Variants in UVRAG observed in about 807,000 individuals in gnomAD.
The protein encoded by UVRAG is UV radiation resistance associated.
Under a neutral mutation model 78.0 loss-of-function variants are expected in UVRAG, and 19 were observed. That is an observed-to-expected ratio of 0.24 (90% CI 0.17 to 0.36). UVRAG has a LOEUF of 0.36. Ranked by LOEUF, UVRAG falls within the 10% of genes least tolerant of loss-of-function variation. The pLI, the probability that UVRAG is intolerant of heterozygous loss-of-function variation, is 1.00. For missense variants in UVRAG, 740 were observed against 853.8 expected (o/e 0.87, Z 1.66); for synonymous variants, 323 against 324.6 (o/e 1.00, Z 0.05).
intron 8 of UVRAG, 106 bp downstream of exon 8, chr11:75,983,619 C>T (rs1949437452): frequency 7.3e-7 from 1 of 1,363,106 alleles, no homozygotes; most frequent in African/African-American, 1.5e-5. Flanking sequence ...TACAGTCACA[C>T]ATCACTTAAT....
chr11:75,884,427 C>G (rs1751696332), intron 4 of UVRAG, among the ~76,000 whole-genome samples: 1 of 151,906 alleles, frequency 6.6e-6, no homozygotes, highest in African/African-American at 2.4e-5. Context: ...TGGTGAAGTC[C>G]ACTATGTCAG....
chr11:75,862,710 G>C (rs1337984266), intron 3 of UVRAG, among the ~76,000 whole-genome samples: 2 of 152,128 alleles, frequency 1.3e-5, no homozygotes, highest in Admixed American at 1.3e-4. Flanking sequence ...TCTTTCCCCA[G>C]TCATGCTTTT....
chr11:75,844,252 G>C (rs1284980645), intron 1 of UVRAG, among the ~76,000 whole-genome samples: 1 of 151,198 alleles, frequency 6.6e-6, no homozygotes, highest in Non-Finnish European at 1.5e-5. Flanking sequence ...TTTTGAGGCA[G>C]AGTCTCACTC....
chr11:75,908,739 T>TTG (rs1947672693), intron 5 of UVRAG, among the ~76,000 whole-genome samples: 2 of 141,628 alleles, frequency 1.4e-5, no homozygotes, highest in African/African-American at 2.7e-5. Context: ...TTTTTTTTTT[T>TTG]GTGGGAGTTT....
chr11:75,884,099 T>C (rs1947017819), intron 4 of UVRAG, among the ~76,000 whole-genome samples: 1 of 152,224 alleles, frequency 6.6e-6, no homozygotes, highest in South Asian at 2.1e-4. Context: ...CTATCACTTG[T>C]GATTGCCAGT....
chr11:75,964,698 C>T (rs1448690043), intron 7 of UVRAG, among the ~76,000 whole-genome samples: 4 of 152,258 alleles, frequency 2.6e-5, no homozygotes, highest in African/African-American at 4.8e-5. Context: ...GTCAGGAGTT[C>T]GAGACCAGCC....
intron 6 of UVRAG, among the ~76,000 whole-genome samples, chr11:75,957,802 T>G (rs1013449306): frequency 1.3e-5 from 2 of 152,226 alleles, no homozygotes; most frequent in African/African-American, 4.8e-5. Context: ...TAAAGTATTA[T>G]TTAAAAATTT....
At position 75,826,455 on chromosome 11, in the gene UVRAG, G is replaced by GT. The variant is rs201385548; in HGVS notation, c.117+10934dup. Among the ~76,000 whole-genome samples the GT allele has an allele frequency of 3.0e-3, 451 of 151,514 alleles. 13 individuals are homozygous for GT. In the East Asian group the frequency reaches 0.074, roughly 25 times the overall value. On this transcript the variant is annotated intron_variant, in intron 1 of 14. Coordinates refer to ENST00000356136, the MANE Select transcript of UVRAG (RefSeq NM_003369.4). ...CAGGCGTGAGCCTGGCCGAGAACTT[G>GT]TTTCTTAAACTTCACTCGGTCCTTT...
At chr11:75,986,552 A>G (rs1949504616) in intron 8 of UVRAG, among the ~76,000 whole-genome samples, 2 of 152,204 alleles carry the variant, frequency 1.3e-5, no homozygotes, top group South Asian at 4.1e-4. Context: ...CACTAAAATT[A>G]GTAATGATTT....
intron 14 of UVRAG, among the ~76,000 whole-genome samples, chr11:76,125,796 A>G (rs959214575): frequency 6.6e-6 from 1 of 152,202 alleles, no homozygotes; most frequent in Non-Finnish European, 1.5e-5. Context: ...AAGGGAAACA[A>G]TAGCCCCATA....
intron 3 of UVRAG, among the ~76,000 whole-genome samples, chr11:75,862,221 C>T (rs952579977): frequency 5.3e-5 from 8 of 152,172 alleles, no homozygotes; most frequent in East Asian, 1.9e-4. Flanking sequence ...TTATTTCACT[C>T]GCCATATGTC....
intron 8 of UVRAG, among the ~76,000 whole-genome samples, chr11:75,990,081 A>G (rs2135295898): frequency 6.6e-6 from 1 of 152,370 alleles, no homozygotes; most frequent in South Asian, 2.1e-4. Flanking sequence ...TGGAATGTGA[A>G]TAAAGTAAGT....
intron 6 of UVRAG, among the ~76,000 whole-genome samples, chr11:75,952,943 G>C (rs1948730849): frequency 6.6e-6 from 1 of 152,052 alleles, no homozygotes; most frequent in Non-Finnish European, 1.5e-5. Flanking sequence ...ACAGATGGTG[G>C]TTCTTTAGAT....
intron 6 of UVRAG, among the ~76,000 whole-genome samples, chr11:75,915,798 G>A (rs1426322501): frequency 2.0e-5 from 3 of 152,116 alleles, no homozygotes; most frequent in East Asian, 1.9e-4. Context: ...TTTTTTTAAA[G>A]TCCTATTGAT....
chr11:76,058,430 G>C (rs1011372793), intron 12 of UVRAG, among the ~76,000 whole-genome samples: 2 of 150,778 alleles, frequency 1.3e-5, no homozygotes, highest in Non-Finnish European at 2.9e-5. Context: ...CTACCTGGGA[G>C]ACTGAGGCAG....
At chr11:75,908,924 CAATT>C (rs761577533) in intron 5 of UVRAG, among the ~76,000 whole-genome samples, 3 of 151,986 alleles carry the variant, frequency 2.0e-5, no homozygotes, top group South Asian at 2.1e-4. Context: ...TGCTGGAATA[CAATT>C]AATTGTTCAC....
chr11:75,850,934 T>TG (rs1445712602), intron 1 of UVRAG, among the ~76,000 whole-genome samples: 9 of 152,254 alleles, frequency 5.9e-5, no homozygotes, highest in African/African-American at 2.2e-4. Flanking sequence ...GAAAAAGACC[T>TG]GGGCTCTTTT....
chr11:75,978,553 G>C (rs1162979587), intron 7 of UVRAG, among the ~76,000 whole-genome samples: 1 of 152,134 alleles, frequency 6.6e-6, no homozygotes, highest in African/African-American at 2.4e-5. Flanking sequence ...ATTTGTTGGA[G>C]GCTTTGTTCA....
intron 1 of UVRAG, among the ~76,000 whole-genome samples, chr11:75,820,898 A>G (rs1590893490): frequency 6.6e-6 from 1 of 152,116 alleles, no homozygotes; most frequent in South Asian, 2.1e-4. Flanking sequence ...GCACCACTGC[A>G]CTCCAGCCTG....
Sources: allele counts gnomAD v4.1 joint callset (sites outside exome capture counted in the v4.1 genomes callset), GRCh38; gene constraint gnomAD v4.1.1; transcripts MANE v1.5; gene names NCBI Gene and HGNC (gene_info 2026-07-23, HGNC 2026-07-21).